Variants in LRRTM3 observed in about 807,000 individuals in gnomAD.
LRRTM3 encodes leucine rich repeat transmembrane neuronal 3.
LRRTM3 carries 24 observed loss-of-function variants against 44.7 expected under a neutral mutation model. The ratio of observed to expected loss-of-function variants is 0.54; its 90% CI spans 0.39 to 0.76. The LOEUF (loss-of-function observed/expected upper bound fraction) is 0.76. Ranked by LOEUF, LRRTM3 falls within the 30% of genes least tolerant of loss-of-function variation. The pLI, the probability that LRRTM3 is intolerant of heterozygous loss-of-function variation, is 0.00. For missense variants in LRRTM3, 587 were observed against 702.2 expected (o/e 0.84, Z 1.85); for synonymous variants, 277 against 278.7 (o/e 0.99, Z 0.06).
At chr10:66,989,423 A>AATT (rs1394900973) in intron 2 of LRRTM3, among the ~76,000 whole-genome samples, 2 of 152,198 alleles carry the variant, frequency 1.3e-5, no homozygotes, top group Admixed American at 1.3e-4. Flanking sequence ...GGTATAACAG[A>AATT]ATTAGACTAC....
At chr10:66,991,562 A>C (rs1444023361) in intron 2 of LRRTM3, among the ~76,000 whole-genome samples, 2 of 152,086 alleles carry the variant, frequency 1.3e-5, no homozygotes, top group Non-Finnish European at 2.9e-5. Context: ...TTATTTATTT[A>C]GTTTTTGAGA....
Position 66,927,949 on chromosome 10 carries a change from G to A in LRRTM3, c.1033G>A (p.Glu345Lys), listed in dbSNP as rs1847164343. The A allele has an allele frequency of 1.2e-6, 2 of 1,614,246 alleles. No individual in the cohort carries two copies. The highest frequency in any genetic ancestry group is 1.7e-6 in the Non-Finnish European group (2 of 1,180,052). The change falls in exon 2 of 3, where the codon GAG (glutamate) becomes AAG (lysine). Residue 345 changes from glutamate (E) to lysine (K), a missense_variant. Physicochemically the swap from Glu to Lys is moderately conservative, Grantham distance 56. Transcript: ENST00000361320. This position sits in a 1 kb window ranked among gnomAD's most constrained non-coding sequence, Gnocchi z 4.7. ...TACAATTATCTGTGCCAGTCCCAAAGAGCTGCAAGGAGTAAATGTGATCGA... is the reference window on the plus strand; with the variant it reads ...TACAATTATCTGTGCCAGTCCCAAAAAGCTGCAAGGAGTAAATGTGATCGA... ...ENTIICASPK[E>K]LQGVNVIDAV...
At chr10:67,038,250 A>T (rs1451376039) in intron 2 of LRRTM3, among the ~76,000 whole-genome samples, 3 of 152,118 alleles carry the variant, frequency 2.0e-5, no homozygotes, top group African/African-American at 7.2e-5. Context: ...ATTCTAAAAA[A>T]ATCTATCCTC....
intron 2 of LRRTM3, among the ~76,000 whole-genome samples, chr10:67,011,783 A>G (rs1385229931): frequency 6.6e-6 from 1 of 152,180 alleles, no homozygotes; most frequent in Non-Finnish European, 1.5e-5. Context: ...ATCATCAACC[A>G]TACATACAGA....
At chr10:66,964,105 C>T (rs1849272031) in intron 2 of LRRTM3, among the ~76,000 whole-genome samples, 1 of 152,046 alleles carries the variant, frequency 6.6e-6, no homozygotes, top group Non-Finnish European at 1.5e-5. Context: ...CTGCCTCAGC[C>T]TCCCAAAGTG....
At chr10:67,074,459 T>C (rs1856641406) in intron 2 of LRRTM3, among the ~76,000 whole-genome samples, 1 of 146,612 alleles carries the variant, frequency 6.8e-6, no homozygotes, top group African/African-American at 2.5e-5. Context: ...CACGCCATTC[T>C]CCTGCCTCAG....
intron 2 of LRRTM3, among the ~76,000 whole-genome samples, chr10:67,005,482 T>C (rs1271851840): frequency 6.6e-6 from 1 of 151,952 alleles, no homozygotes; most frequent in African/African-American, 2.4e-5. Flanking sequence ...ACATAGGCCA[T>C]AGGTTTTATA....
intron 2 of LRRTM3, among the ~76,000 whole-genome samples, chr10:66,955,763 G>A (rs1176477930): frequency 6.6e-6 from 1 of 152,086 alleles, no homozygotes; most frequent in South Asian, 2.1e-4. Flanking sequence ...TAGGTTACAA[G>A]AGTTTCTTCA....
Position 66,927,981 on chromosome 10 carries a change from G to A in LRRTM3, c.1065G>A (p.Val355=), listed in dbSNP as rs767918636. 4 of 1,614,202 alleles carry A rather than the reference G, an allele frequency of 2.5e-6. No homozygotes were observed. In the East Asian group the frequency reaches 6.7e-5, roughly 27 times the overall value. Reference sequence around the variant, plus strand: ...AAGGAGTAAATGTGATCGATGCAGTGAAGAACTACAGCATCTGTGGCAAAA... The same window carrying A: ...AAGGAGTAAATGTGATCGATGCAGTAAAGAACTACAGCATCTGTGGCAAAA... ...ELQGVNVIDA[V]KNYSICGKST... is the part of the protein sequence containing the mutation. Residue 355 remains valine (V), a synonymous_variant, in exon 2 of 3, where the codon GTG becomes GTA. Coordinates refer to ENST00000361320, the MANE Select transcript of LRRTM3 (RefSeq NM_178011.5). The surrounding 1 kb of genome is among the most constrained non-coding windows in gnomAD (Gnocchi z 4.7).
intron 2 of LRRTM3, among the ~76,000 whole-genome samples, chr10:67,079,314 A>T (rs1174860390): frequency 6.6e-6 from 1 of 152,218 alleles, no homozygotes; most frequent in Admixed American, 6.5e-5. Flanking sequence ...CATGTAAGCC[A>T]TGGCTTGGCT....
intron 2 of LRRTM3, among the ~76,000 whole-genome samples, chr10:66,978,722 T>G (rs1402264645): frequency 1.3e-5 from 2 of 149,792 alleles, no homozygotes; most frequent in Non-Finnish European, 3.0e-5. Context: ...AATAAATACA[T>G]TTACTAAACC....
intron 2 of LRRTM3, among the ~76,000 whole-genome samples, chr10:67,078,009 G>C (rs1370736262): frequency 6.6e-6 from 1 of 152,110 alleles, no homozygotes; most frequent in Non-Finnish European, 1.5e-5. Context: ...CTGTTACTTT[G>C]GATAATTCTG....
intron 2 of LRRTM3, among the ~76,000 whole-genome samples, chr10:67,001,111 G>T (rs1851658517): frequency 6.6e-6 from 1 of 151,666 alleles, no homozygotes; most frequent in African/African-American, 2.4e-5. Context: ...GACCATCCTG[G>T]CCAACATGAT....
chr10:67,073,201 G>A (rs960705930), intron 2 of LRRTM3, among the ~76,000 whole-genome samples: 13 of 152,008 alleles, frequency 8.6e-5, no homozygotes, highest in African/African-American at 3.1e-4. Context: ...TATTTGGTTT[G>A]TACAGAAAAA....
chr10:67,080,457 T>C (rs577318362), intron 2 of LRRTM3, among the ~76,000 whole-genome samples: 1 of 152,322 alleles, frequency 6.6e-6, no homozygotes, highest in Non-Finnish European at 1.5e-5. Flanking sequence ...ACTTAGAATG[T>C]TAGGTCCCAG....
At chr10:66,956,901 A>G (rs534529578) in intron 2 of LRRTM3, among the ~76,000 whole-genome samples, 1 of 152,338 alleles carries the variant, frequency 6.6e-6, no homozygotes, top group East Asian at 1.9e-4. Context: ...AGAGTTTAGA[A>G]GCTTTTTGGG....
In LRRTM3 at chr10:66,928,153, G is replaced by C; in HGVS notation, c.1237G>C (p.Glu413Gln). The change falls in exon 2 of 3, where the codon GAG (glutamate) becomes CAG (glutamine). Residue 413 changes from glutamate (E) to glutamine (Q), a missense_variant. This residue lies in a region of LRRTM3 where 315 missense variants were observed against 335.6 expected (regional missense o/e 0.94). Coordinates refer to ENST00000361320, the MANE Select transcript of LRRTM3 (RefSeq NM_178011.5). ...CGGCCCAGAGACCGATGCTGACGCC[G>C]AGCACATCTCTTTCCATAAAATCAT... ...EPGPETDADAEHISFHKIIAG... is the reference protein window; with the variant it reads ...EPGPETDADAQHISFHKIIAG... 1 of 1,614,050 alleles carries C rather than the reference G, an allele frequency of 6.2e-7. No individual in the cohort carries two copies. The highest frequency in any genetic ancestry group is 8.5e-7 in the Non-Finnish European group (1 of 1,180,044).
chr10:67,039,622 A>G (rs1318797511), intron 2 of LRRTM3, among the ~76,000 whole-genome samples: 1 of 152,148 alleles, frequency 6.6e-6, no homozygotes, highest in Non-Finnish European at 1.5e-5. Flanking sequence ...TAGAGGTTAG[A>G]GGTGAAAATT....
chr10:66,967,029 C>T (rs574964641), intron 2 of LRRTM3, among the ~76,000 whole-genome samples: 68 of 151,786 alleles, frequency 4.5e-4, no homozygotes, highest in African/African-American at 1.6e-3. Context: ...GTTCATAGCG[C>T]AAAAAGAAAT....
Sources: gnomAD v4.1 joint callset for allele counts (sites outside exome capture counted in the v4.1 genomes callset) on GRCh38, gnomAD v4.1.1 for gene constraint, gnomAD v4.1.1 regional missense constraint, Gnocchi (gnomAD v3.1) non-coding constraint, MANE v1.5 for transcripts, NCBI Gene and HGNC (gene_info 2026-07-23, HGNC 2026-07-21) for gene names.